The following GALNT18 variants were observed in gnomAD, a reference collection of about 807,000 sequenced individuals.
The protein encoded by GALNT18 is GalNAc-transferase 18.
GALNT18 carries 44 observed loss-of-function variants against 69.5 expected under a neutral mutation model. That is an observed-to-expected ratio of 0.63 (90% CI 0.50 to 0.81). The LOEUF (loss-of-function observed/expected upper bound fraction) is 0.81, where lower values mean the gene tolerates loss of function less well. Among genes scored for constraint, GALNT18 ranks in the 40% least tolerant of loss-of-function variants. The pLI, the probability that GALNT18 is intolerant of heterozygous loss-of-function variation, is 0.00. For synonymous variants in GALNT18, 364 were observed against 318.2 expected (o/e 1.14, Z -1.53); for missense variants, 715 against 810.0 (o/e 0.88, Z 1.42).
intron 1 of GALNT18, among the ~76,000 whole-genome samples, chr11:11,473,086 C>T (rs776835475): frequency 6.6e-6 from 1 of 152,204 alleles, no homozygotes; most frequent in Non-Finnish European, 1.5e-5. Context: ...CCACTTACTG[C>T]TCTTACTACA....
chr11:11,368,753 T>A (rs1009507087), intron 6 of GALNT18, among the ~76,000 whole-genome samples: 2 of 152,238 alleles, frequency 1.3e-5, no homozygotes, highest in Admixed American at 1.3e-4. Flanking sequence ...TCTCTTCTTT[T>A]TCTAAGTATA....
At chr11:11,560,053 GATA>G (rs1858441680) in intron 1 of GALNT18, among the ~76,000 whole-genome samples, 1 of 143,562 alleles carries the variant, frequency 7.0e-6, no homozygotes, top group African/African-American at 2.6e-5. Context: ...GATGGGATGG[GATA>G]GGATGGGATG....
rs1264664833 is a variant in GALNT18 at position 11,590,045 on chromosome 11, G to C, written c.235+31314C>G. On this transcript the variant is annotated intron_variant, in intron 1 of 10. Transcript: ENST00000227756. This position sits in a 1 kb window ranked among gnomAD's most constrained non-coding sequence, Gnocchi z 4.4. ...CTTGCTACCTTTGTGACTTTACCTA[G>C]GGGTGATATTCAAATATGTAATAAC... Among the ~76,000 whole-genome samples, 1 of 152,198 alleles carries C rather than the reference G, an allele frequency of 6.6e-6. No homozygotes were observed. The highest frequency in any genetic ancestry group is 1.5e-5 in the Non-Finnish European group (1 of 68,044).
In GALNT18 at chr11:11,586,129, T is replaced by C. The variant is rs1859218898; in HGVS notation, c.235+35230A>G. Among the ~76,000 whole-genome samples the C allele has an allele frequency of 6.6e-6, 1 of 152,182 alleles. No individual in the cohort carries two copies. The highest frequency in any genetic ancestry group is 1.5e-5 in the Non-Finnish European group (1 of 68,036). On this transcript the variant is annotated intron_variant, in intron 1 of 10. Coordinates refer to ENST00000227756, the MANE Select transcript of GALNT18 (RefSeq NM_198516.3). The surrounding 1 kb of genome is among the most constrained non-coding windows in gnomAD (Gnocchi z 4.1). ...TTGGACTTTCCGGCCTCCAGAACTG[T>C]GAAAAATAAATTTCTATTGTTTATA...
chr11:11,613,484 G>A lies in GALNT18; in HGVS notation c.235+7875C>T, dbSNP rs550390062. Among the ~76,000 whole-genome samples, 11 of 152,272 alleles carry A rather than the reference G, an allele frequency of 7.2e-5. No homozygotes were observed. In the East Asian group the frequency reaches 2.1e-3, roughly 29 times the overall value. On this transcript the variant is annotated intron_variant, in intron 1 of 10. Transcript: ENST00000227756. This position sits in a 1 kb window ranked among gnomAD's most constrained non-coding sequence, Gnocchi z 4.2. ...GCCTTCTCAAGTAGGAAAATAAAGG[G>A]TGGAGTAAGAATGAATGCAATGTGT...
At chr11:11,294,636 T>C (rs1394277314) in intron 9 of GALNT18, among the ~76,000 whole-genome samples, 1 of 150,136 alleles carries the variant, frequency 6.7e-6, no homozygotes, top group Non-Finnish European at 1.5e-5. Context: ...CATAAACAAA[T>C]GGCTGTGTTT....
chr11:11,434,599 AG>A (rs1855356015), intron 2 of GALNT18, among the ~76,000 whole-genome samples: 1 of 152,200 alleles, frequency 6.6e-6, no homozygotes, highest in Non-Finnish European at 1.5e-5. Flanking sequence ...GGCCTCTCTG[AG>A]GAAGAGAGAT....
At chr11:11,446,235 A>G (rs1312625071) in intron 2 of GALNT18, among the ~76,000 whole-genome samples, 1 of 152,250 alleles carries the variant, frequency 6.6e-6, no homozygotes, top group Non-Finnish European at 1.5e-5. Flanking sequence ...AATGTGGTCC[A>G]AATGGGAAGG....
chr11:11,436,395 G>A lies in GALNT18; in HGVS notation c.429-3608C>T, dbSNP rs1855403792. Among the ~76,000 whole-genome samples the A allele has an allele frequency of 6.6e-6, 1 of 152,034 alleles. No homozygotes were observed. The highest frequency in any genetic ancestry group is 1.5e-5 in the Non-Finnish European group (1 of 68,028). ...CCTTGCCACCATCGTGACTATGTAG[G>A]GTGACAAGCTCATCCCAGTTTGCCC... On this transcript the variant is annotated intron_variant, in intron 2 of 10. Transcript: ENST00000227756. The surrounding 1 kb of genome is among the most constrained non-coding windows in gnomAD (Gnocchi z 4.5).
rs1202887276 is a variant in GALNT18, at chr11:11,402,781, G to A, written c.596-23517C>T. On this transcript the variant is annotated intron_variant, in intron 3 of 10. Transcript: ENST00000227756. This position sits in a 1 kb window ranked among gnomAD's most constrained non-coding sequence, Gnocchi z 4.0. ...CGGGTAAGAACAGCGTCTGCAGGAGGGAAATAGGAAGATATAAAAATACAA... is the reference window on the plus strand; with the variant it reads ...CGGGTAAGAACAGCGTCTGCAGGAGAGAAATAGGAAGATATAAAAATACAA... Among the ~76,000 whole-genome samples the A allele has an allele frequency of 2.0e-5, 3 of 152,226 alleles. No individual in the cohort carries two copies. The highest frequency in any genetic ancestry group is 6.5e-5 in the Admixed American group (1 of 15,292).
intron 3 of GALNT18, among the ~76,000 whole-genome samples, chr11:11,423,294 A>G (rs924458884): frequency 6.6e-6 from 1 of 151,882 alleles, no homozygotes; most frequent in Non-Finnish European, 1.5e-5. Context: ...ACACAAACGT[A>G]TGTGTGCATA....
intron 10 of GALNT18, among the ~76,000 whole-genome samples, chr11:11,290,687 T>C (rs189452053): frequency 7.0e-4 from 106 of 152,242 alleles, no homozygotes; most frequent in Non-Finnish European, 1.2e-3. Flanking sequence ...GTACATTGTC[T>C]CCTGAGAAAC....
chr11:11,457,319 C>T (rs1010981846), intron 1 of GALNT18, among the ~76,000 whole-genome samples: 1 of 152,220 alleles, frequency 6.6e-6, no homozygotes, highest in Admixed American at 6.5e-5. Flanking sequence ...CCTGCAGATC[C>T]CCTTCTGCTG....
intron 6 of GALNT18, among the ~76,000 whole-genome samples, chr11:11,355,808 C>T (rs1270599553): frequency 1.3e-5 from 2 of 152,172 alleles, no homozygotes; most frequent in Admixed American, 1.3e-4. Context: ...GAGCACCCCA[C>T]CATTCAGTGC....
intron 1 of GALNT18, among the ~76,000 whole-genome samples, chr11:11,449,189 G>C (rs1855734358): frequency 6.6e-6 from 1 of 152,226 alleles, no homozygotes; most frequent in Non-Finnish European, 1.5e-5. Context: ...AGAAGCTAAT[G>C]GATGTGACAT....
Position 11,616,314 on chromosome 11 carries a change from A to T in GALNT18, c.235+5045T>A, listed in dbSNP as rs1860048402. ...CGGAAAAATTTGAATGATAACACCC[A>T]ATGCTGGCCAGGCTCCATGACTTTG... On this transcript the variant is annotated intron_variant, in intron 1 of 10. Transcript: ENST00000227756. This position sits in a 1 kb window ranked among gnomAD's most constrained non-coding sequence, Gnocchi z 4.4. Among the ~76,000 whole-genome samples, 1 of 152,230 alleles carries T rather than the reference A, an allele frequency of 6.6e-6. No individual in the cohort carries two copies. Among genetic ancestry groups the T allele is most frequent in the African/African-American group, 2.4e-5 (1 of 41,456 alleles).
rs1854081163 is a variant in GALNT18, at chr11:11,387,318, G to A, written c.596-8054C>T. Among the ~76,000 whole-genome samples, 4 of 152,026 alleles carry A rather than the reference G, an allele frequency of 2.6e-5. No homozygotes were observed. Among genetic ancestry groups the A allele is most frequent in the Non-Finnish European group, 4.4e-5 (3 of 68,012 alleles). On this transcript the variant is annotated intron_variant, in intron 3 of 10. Transcript: ENST00000227756. This position sits in a 1 kb window ranked among gnomAD's most constrained non-coding sequence, Gnocchi z 4.6. ...CCCAGCTGCCTTCTGCAGAGGCCAC[G>A]GCTTTTTGTCCCATTGTGGCCACAC... is the stretch of plus-strand genomic sequence containing the variant.
chr11:11,599,113 G>C (rs558448705), intron 1 of GALNT18, among the ~76,000 whole-genome samples: 7 of 151,946 alleles, frequency 4.6e-5, no homozygotes, highest in Admixed American at 2.0e-4. Flanking sequence ...GGTCTAATTG[G>C]TTTATACTTT....
rs1178875282 is a variant in GALNT18, at chr11:11,309,061, G to T, written c.1513-15868C>A. Among the ~76,000 whole-genome samples the T allele has an allele frequency of 6.6e-6, 1 of 152,204 alleles. No homozygotes were observed. Among genetic ancestry groups the T allele is most frequent in the Non-Finnish European group, 1.5e-5 (1 of 68,038 alleles). ...TAATGTGGTGGTGCTGGGAGGTAGG[G>T]CCTAATGGAAGGTGTTTGGATCACT... On this transcript the variant is annotated intron_variant, in intron 9 of 10. Transcript: ENST00000227756. The surrounding 1 kb of genome is among the most constrained non-coding windows in gnomAD (Gnocchi z 4.6).
Sources: allele counts gnomAD v4.1 joint callset (sites outside exome capture counted in the v4.1 genomes callset), GRCh38; gene constraint gnomAD v4.1.1; non-coding constraint Gnocchi (gnomAD v3.1); transcripts MANE v1.5; gene names NCBI Gene and HGNC (gene_info 2026-07-23, HGNC 2026-07-21).